ZSCAN25: variants seen among roughly 807,000 people sequenced by gnomAD.
ZSCAN25 encodes zinc finger and SCAN domain containing 25.
ZSCAN25 carries 27 observed loss-of-function variants against 38.7 expected under a neutral mutation model. The ratio of observed to expected loss-of-function variants is 0.70; its 90% confidence interval spans 0.51 to 0.96. ZSCAN25 has a LOEUF of 0.96. ZSCAN25 is among the 40% of genes least tolerant of loss of function. ZSCAN25 has a pLI of 0.00. For missense variants in ZSCAN25, 637 were observed against 705.9 expected (o/e 0.90, Z 1.11); for synonymous variants, 273 against 277.7 (o/e 0.98, Z 0.17).
At chr7:99,628,525 C>T (rs745418904) in intron 7 of ZSCAN25, among the ~76,000 whole-genome samples, 1 of 152,226 alleles carries the variant, frequency 6.6e-6, no homozygotes, top group Non-Finnish European at 1.5e-5. Flanking sequence ...GCGTCATGGT[C>T]TCAGTCCTGA....
chr7:99,663,880 A>G, the ZSCAN25 span: 4 of 1,458,882 alleles, frequency 2.7e-6, no homozygotes, highest in Non-Finnish European at 3.6e-6. Context: ...CTTTATTTTT[A>G]AAAATACAGA....
At chr7:99,672,533 A>G in the ZSCAN25 span, 1 of 1,486,312 alleles carries the variant, frequency 6.7e-7, no homozygotes, top group Non-Finnish European at 9.4e-7. Context: ...ATAAAAATTT[A>G]ATCAGTGGAT....
At position 99,630,102 on chromosome 7, in the gene ZSCAN25, A is replaced by G. The variant is rs1344492550; in HGVS notation, c.*82A>G. On this transcript the variant is annotated 3_prime_UTR_variant, in exon 8 of 8. Coordinates refer to ENST00000394152, the MANE Select transcript of ZSCAN25 (RefSeq NM_145115.3). Reference sequence around the variant, plus strand: ...GGGTGCAAGGTGATGGCTGCAGGAAAGCACTGGTCCCATCGCCTTCCCACC... The same window carrying G: ...GGGTGCAAGGTGATGGCTGCAGGAAGGCACTGGTCCCATCGCCTTCCCACC... The G allele has an allele frequency of 2.7e-5, 39 of 1,441,710 alleles. No homozygotes were observed. Among genetic ancestry groups the G allele is most frequent in the Non-Finnish European group, 3.4e-5 (37 of 1,098,800 alleles). 89.3% of individuals were successfully genotyped at this position (1,441,710 alleles called of 1,614,324 possible). A position where few individuals can be genotyped will look rare whatever the true frequency, so the allele number is the denominator to read the frequency against.
the ZSCAN25 span, among the ~76,000 whole-genome samples, chr7:99,655,007 A>G: frequency 2.0e-5 from 3 of 151,692 alleles, no homozygotes; most frequent in African/African-American, 7.3e-5. Flanking sequence ...GGTTGCAAAA[A>G]TTTTCTCCCA....
the ZSCAN25 span, among the ~76,000 whole-genome samples, chr7:99,724,282 A>G: frequency 6.6e-6 from 1 of 152,216 alleles, no homozygotes; most frequent in Non-Finnish European, 1.5e-5. Flanking sequence ...CTTGGCCTCA[A>G]TACAAACTGG....
the ZSCAN25 span, among the ~76,000 whole-genome samples, chr7:99,697,190 C>T: frequency 6.6e-6 from 1 of 152,198 alleles, no homozygotes; most frequent in East Asian, 1.9e-4. Flanking sequence ...TGCCTCTGCA[C>T]ATCAAGTATC....
the ZSCAN25 span, chr7:99,650,320 C>G: frequency 1.7e-6 from 2 of 1,200,766 alleles, no homozygotes; most frequent in African/African-American, 3.0e-5. Flanking sequence ...GAACAACCCC[C>G]CTCCACCTCC....
At chr7:99,638,625 G>T in the ZSCAN25 span, 1 of 1,585,386 alleles carries the variant, frequency 6.3e-7, no homozygotes. Flanking sequence ...TCTCCACGTT[G>T]AAACCCACAG....
the ZSCAN25 span, among the ~76,000 whole-genome samples, chr7:99,675,854 A>G: frequency 6.7e-6 from 1 of 149,188 alleles, no homozygotes; most frequent in Non-Finnish European, 1.5e-5. Context: ...CTACCATATC[A>G]TGCACAGGTA....
the ZSCAN25 span, among the ~76,000 whole-genome samples, chr7:99,699,637 T>C: frequency 7.9e-5 from 12 of 152,312 alleles, no homozygotes; most frequent in African/African-American, 2.9e-4. Context: ...CTCGTCTTGT[T>C]CAGCAGTTTG....
chr7:99,619,652 T>C lies in ZSCAN25; in HGVS notation c.46T>C (p.Leu16=), dbSNP rs754942199. 3 of 1,614,166 alleles carry C rather than the reference T, an allele frequency of 1.9e-6. No homozygotes were observed. The highest frequency in any genetic ancestry group is 2.2e-5 in the South Asian group (2 of 91,088). Residue 16 remains leucine (L), a synonymous_variant, in exon 4 of 8, where the codon TTG becomes CTG. Coordinates refer to ENST00000394152, the MANE Select transcript of ZSCAN25 (RefSeq NM_145115.3). ...PEMAEAPQQQ[L]GIPVVKLEKE... ...GATGGCGGAAGCTCCTCAGCAGCAG[T>C]TGGGTATTCCTGTGGTGAAACTGGA...
At chr7:99,715,755 T>A in the ZSCAN25 span, 1 of 1,613,694 alleles carries the variant, frequency 6.2e-7, no homozygotes, top group Non-Finnish European at 8.5e-7. Flanking sequence ...GTAGTCCACA[T>A]ACTTATTGAG....
At chr7:99,729,535 G>T in the ZSCAN25 span, among the ~76,000 whole-genome samples, 4 of 152,040 alleles carry the variant, frequency 2.6e-5, no homozygotes, top group African/African-American at 7.3e-5. Flanking sequence ...AAGCCTGCAC[G>T]TGTACATCCA....
chr7:99,734,326 C>T, the ZSCAN25 span, among the ~76,000 whole-genome samples: 1 of 152,196 alleles, frequency 6.6e-6, no homozygotes, highest in East Asian at 1.9e-4. Flanking sequence ...CTCTTCTCTC[C>T]ACCTGCTCTA....
the ZSCAN25 span, among the ~76,000 whole-genome samples, chr7:99,719,054 A>G: frequency 1.3e-5 from 2 of 152,232 alleles, no homozygotes; most frequent in African/African-American, 4.8e-5. Context: ...AAGACCAAAC[A>G]TAGTGAAGAT....
rs1277146517 is a variant in ZSCAN25 at position 99,632,174 on chromosome 7, CCTG to C, written c.*2155_*2157del. ...TTCCTATCTGGCCTCTTCCCTATCT[CCTG>C]TGGGGCCAAGAGCTTAGGACAGTGT... On this transcript the variant is annotated 3_prime_UTR_variant, in exon 8 of 8. Coordinates refer to ENST00000394152, the MANE Select transcript of ZSCAN25 (RefSeq NM_145115.3). 5 of 985,304 alleles carry C rather than the reference CCTG, an allele frequency of 5.1e-6. No homozygotes were observed. The African/African-American group carries it at 8.7e-5, about 17-fold the overall frequency. 61.0% of individuals were successfully genotyped at this position (985,304 alleles called of 1,614,324 possible).
At chr7:99,725,410 CT>C in the ZSCAN25 span, among the ~76,000 whole-genome samples, 1 of 152,226 alleles carries the variant, frequency 6.6e-6, no homozygotes, top group African/African-American at 2.4e-5. Flanking sequence ...GACAATGCAT[CT>C]CTGAATTATA....
Position 99,631,788 on chromosome 7 carries a change from C to T in ZSCAN25, c.*1768C>T. The T allele has an allele frequency of 7.1e-6, 7 of 985,468 alleles. No homozygotes were observed. Among genetic ancestry groups the T allele is most frequent in the Non-Finnish European group, 8.4e-6 (7 of 829,950 alleles). 61.0% of individuals were successfully genotyped at this position (985,468 alleles called of 1,614,324 possible). On this transcript the variant is annotated 3_prime_UTR_variant, in exon 8 of 8. Coordinates refer to ENST00000394152, the MANE Select transcript of ZSCAN25 (RefSeq NM_145115.3). Reference sequence around the variant, plus strand: ...CTCCTTGGTCTTCCTGGCTCATTAGCTGTGCCCACGAGGCTGCACTGACTG... The same window carrying T: ...CTCCTTGGTCTTCCTGGCTCATTAGTTGTGCCCACGAGGCTGCACTGACTG...
intron 7 of ZSCAN25, among the ~76,000 whole-genome samples, chr7:99,628,726 G>A (rs1017585150): frequency 1.3e-5 from 2 of 152,240 alleles, no homozygotes; most frequent in Non-Finnish European, 2.9e-5. Context: ...GCACCTGGAA[G>A]GTCTGGAGAG....
Sources: gnomAD v4.1 joint callset for allele counts (sites outside exome capture counted in the v4.1 genomes callset) on GRCh38, gnomAD v4.1.1 for gene constraint, MANE v1.5 for transcripts, NCBI Gene and HGNC (gene_info 2026-07-23, HGNC 2026-07-21) for gene names.